PRDM11: variants seen among roughly 807,000 people sequenced by gnomAD.
PRDM11 encodes PR domain-containing protein 11.
Under a neutral mutation model 97.8 loss-of-function variants are expected in PRDM11, and 20 were observed. The ratio of observed to expected loss-of-function variants is 0.20; its 90% CI spans 0.14 to 0.30. PRDM11 has a LOEUF of 0.30. Among genes scored for constraint, PRDM11 ranks in the 10% least tolerant of loss-of-function variants. PRDM11 has a pLI of 1.00. For synonymous variants in PRDM11, 599 were observed against 637.7 expected, an observed-to-expected ratio of 0.94 and a Z score of 0.91; for missense variants, 1,139 against 1,555.2, an observed-to-expected ratio of 0.73 and a Z score of 4.50.
intron 5 of PRDM11, chr11:45,209,050 C>T (rs1269526862): frequency 4.4e-6 from 2 of 456,590 alleles, no homozygotes; most frequent in Non-Finnish European, 8.8e-6. Flanking sequence ...AAAATCACCT[C>T]CGTCAGCCAG....
chr11:45,201,742 C>T (rs371259974), intron 4 of PRDM11, among the ~76,000 whole-genome samples: 1,573 of 152,068 alleles, frequency 0.01, 21 homozygotes, highest in African/African-American at 0.036. Context: ...CCGAGGTGGG[C>T]GGATCACGAG....
rs534358275 is a variant in PRDM11 at position 45,131,585 on chromosome 11, T to C, written c.96+35684T>C. 4.6e-5 allele frequency among the ~76,000 whole-genome samples: 7 copies of C among 152,298 alleles called. No individual in the cohort carries two copies. The East Asian group carries it at 1.4e-3, about 29-fold the overall frequency. On this transcript the variant is annotated intron_variant, in intron 1 of 6. Transcript: ENST00000530656. ...TGCAGGGTGTTGTCACACCATTATGTATAATGGCAAAAACTGGCAACACCT... is the reference window on the plus strand; with the variant it reads ...TGCAGGGTGTTGTCACACCATTATGCATAATGGCAAAAACTGGCAACACCT...
In PRDM11 at chr11:45,139,331, G is replaced by A. The variant is rs542256389; in HGVS notation, c.97-42430G>A. Among the ~76,000 whole-genome samples, 11 of 152,260 alleles carry A rather than the reference G, an allele frequency of 7.2e-5. No homozygotes were observed. In the South Asian group the frequency reaches 2.1e-3, roughly 29 times the overall value. On this transcript the variant is annotated intron_variant, in intron 1 of 6. Coordinates refer to the PRDM11 transcript ENST00000530656. ...CGCCTGTAATTCCAGCACTTTGGGAGGCCGAGGCAGATGGATCATGAGGTC... is the reference window on the plus strand; with the variant it reads ...CGCCTGTAATTCCAGCACTTTGGGAAGCCGAGGCAGATGGATCATGAGGTC...
At chr11:45,203,560 A>T (rs1390358424) in intron 4 of PRDM11, among the ~76,000 whole-genome samples, 1 of 152,134 alleles carries the variant, frequency 6.6e-6, no homozygotes, top group East Asian at 1.9e-4. Context: ...GCCCAGAATA[A>T]TAAAGAGAAA....
In PRDM11 at chr11:45,158,650, CAT is replaced by C. The variant is rs575962038; in HGVS notation, c.-7+11775_-7+11776del. Reference sequence around the variant, plus strand: ...GTCCCACACTGAACTCATGACTTGCCATAGAGCGAGGGCCTCCCTGACGGGAG... The same window carrying C: ...GTCCCACACTGAACTCATGACTTGCCAGAGCGAGGGCCTCCCTGACGGGAG... On this transcript the variant is annotated intron_variant, in intron 1 of 7. Coordinates refer to ENST00000683152, the MANE Select transcript of PRDM11 (RefSeq NM_001384648.1). Among the ~76,000 whole-genome samples, 3 of 152,304 alleles carry C rather than the reference CAT, an allele frequency of 2.0e-5. No homozygotes were observed. In the South Asian group the frequency reaches 6.2e-4, roughly 32 times the overall value.
At chr11:45,137,446 A>C (rs1379694161) in intron 1 of PRDM11, among the ~76,000 whole-genome samples, 1 of 152,040 alleles carries the variant, frequency 6.6e-6, no homozygotes, top group Non-Finnish European at 1.5e-5. Flanking sequence ...AAAAAGAAAA[A>C]AGAAAAGAAA....
At chr11:45,203,221 A>G (rs192889037) in intron 4 of PRDM11, among the ~76,000 whole-genome samples, 16 of 152,274 alleles carry the variant, frequency 1.1e-4, no homozygotes, top group African/African-American at 3.9e-4. Context: ...TCTTCAGGGG[A>G]CCAACCCTGA....
chr11:45,212,633 C>T, intron 5 of PRDM11: 1 of 456,354 alleles, frequency 2.2e-6, no homozygotes, highest in Non-Finnish European at 4.4e-6. Context: ...GGCCCTGCCC[C>T]ATCCCTCGCC....
intron 1 of PRDM11, among the ~76,000 whole-genome samples, chr11:45,112,934 G>C (rs1852215781): frequency 6.6e-6 from 1 of 152,114 alleles, no homozygotes; most frequent in Admixed American, 6.5e-5. Flanking sequence ...TTCTTTTGCT[G>C]TGCAGAAGCT....
chr11:45,137,394 C>T lies in PRDM11; in HGVS notation c.96+41493C>T, dbSNP rs549194297. ...GTTGCAGTGAGCTGAGATCGCAGCA[C>T]TGCACTCCAGCCTGAGTGACAAGAG... On this transcript the variant is annotated intron_variant, in intron 1 of 6. Transcript: ENST00000530656. Among the ~76,000 whole-genome samples the T allele has an allele frequency of 1.4e-4, 21 of 149,520 alleles. 1 individual carries two copies. In the South Asian group the frequency reaches 4.5e-3, roughly 32 times the overall value.
intron 4 of PRDM11, among the ~76,000 whole-genome samples, chr11:45,203,905 A>C (rs1227983907): frequency 1.3e-5 from 2 of 152,244 alleles, no homozygotes; most frequent in Non-Finnish European, 2.9e-5. Flanking sequence ...AAAGGATATG[A>C]GTCTTGGAGT....
At chr11:45,158,184 G>A (rs917796015) in intron 1 of PRDM11, among the ~76,000 whole-genome samples, 2 of 152,236 alleles carry the variant, frequency 1.3e-5, no homozygotes, top group Non-Finnish European at 2.9e-5. Flanking sequence ...ACAGCCTCCT[G>A]TCCCTAGAGT....
chr11:45,135,017 A>G (rs1174135504), intron 1 of PRDM11, among the ~76,000 whole-genome samples: 1 of 151,880 alleles, frequency 6.6e-6, no homozygotes, highest in Non-Finnish European at 1.5e-5. Flanking sequence ...ACAGTGGCAC[A>G]CAGTTGTAGA....
Position 45,219,660 on chromosome 11 carries a change from C to G in PRDM11, c.645C>G (p.Ile215Met). 6.2e-7 allele frequency: 1 copy of G among 1,614,138 alleles called. No individual in the cohort carries two copies. The highest frequency in any genetic ancestry group is 8.5e-7 in the Non-Finnish European group (1 of 1,180,034). Reference sequence around the variant, plus strand: ...TCTACTTCCGGGCGTGCAGGGACATCCGGCCTGGGGAGTGGCTGCGGGTCT... The same window carrying G: ...TCTACTTCCGGGCGTGCAGGGACATGCGGCCTGGGGAGTGGCTGCGGGTCT... ...ERIYFRACRD[I>M]RPGEWLRVWY... The change falls in exon 6 of 8, where the codon ATC becomes ATG. Residue 215 changes from isoleucine (I) to methionine (M), a missense_variant. Coordinates refer to ENST00000683152, the MANE Select transcript of PRDM11 (RefSeq NM_001384648.1). This position sits in a 1 kb window ranked among gnomAD's most constrained non-coding sequence, Gnocchi z 4.2.
intron 1 of PRDM11, among the ~76,000 whole-genome samples, chr11:45,099,739 T>C (rs1172377160): frequency 1.3e-5 from 2 of 152,218 alleles, no homozygotes; most frequent in Non-Finnish European, 2.9e-5. Flanking sequence ...GTTTTCATTA[T>C]TTTAAACTGT....
chr11:45,112,959 G>C (rs1852216097), intron 1 of PRDM11, among the ~76,000 whole-genome samples: 1 of 152,002 alleles, frequency 6.6e-6, no homozygotes, highest in Non-Finnish European at 1.5e-5. Flanking sequence ...AGTTTAATTA[G>C]GTCCCATTCA....
Position 45,219,883 on chromosome 11 carries a change from G to A in PRDM11, c.742+126G>A, listed in dbSNP as rs1307815308. ...TGGGAAGACCCAGAGTGATTCGGGG[G>A]AACAGATGGTTGAGGTCTGAGCAGC... On this transcript the variant is annotated intron_variant, in intron 6 of 7. Transcript: ENST00000683152. The surrounding 1 kb of genome is among the most constrained non-coding windows in gnomAD (Gnocchi z 4.2). 4 of 1,195,780 alleles carry A rather than the reference G, an allele frequency of 3.3e-6. No homozygotes were observed. In the African/African-American group the frequency reaches 6.1e-5, roughly 18 times the overall value. The allele number at this position is 1,195,780 out of a possible 1,614,324, so 74.1% of individuals were successfully genotyped here. A position where few individuals can be genotyped will look rare whatever the true frequency, so the allele number is the denominator to read the frequency against.
At chr11:45,213,178 G>A (rs1041768448) in intron 5 of PRDM11, 36 of 456,562 alleles carry the variant, frequency 7.9e-5, no homozygotes, top group Admixed American at 2.8e-4. Context: ...CCTCCTCACC[G>A]AGCGCAGGTC....
chr11:45,158,304 G>A (rs529655099), intron 1 of PRDM11, among the ~76,000 whole-genome samples: 37 of 152,260 alleles, frequency 2.4e-4, no homozygotes, highest in African/African-American at 7.0e-4. Context: ...TGTTGGAAGC[G>A]CCTCTCCTGC....
Sources: allele counts gnomAD v4.1 joint callset (sites outside exome capture counted in the v4.1 genomes callset), GRCh38; gene constraint gnomAD v4.1.1; non-coding constraint Gnocchi (gnomAD v3.1); transcripts MANE v1.5; gene names NCBI Gene and HGNC (gene_info 2026-07-23, HGNC 2026-07-21).